Variants in STOX1 observed in about 807,000 individuals in gnomAD.
The protein encoded by STOX1 is storkhead box 1.
STOX1 carries 57 observed loss-of-function variants against 74.8 expected under a neutral mutation model. The observed-to-expected ratio is 0.76, with a 90% CI of 0.62 to 0.95. The LOEUF (loss-of-function observed/expected upper bound fraction) is 0.95, where lower values mean the gene tolerates loss of function less well. Among genes scored for constraint, STOX1 ranks in the 40% least tolerant of loss-of-function variants. STOX1 has a pLI of 0.00. For synonymous variants in STOX1, 375 were observed against 401.3 expected (o/e 0.93, Z 0.78); for missense variants, 1,010 against 1,117.0 (o/e 0.90, Z 1.37).
At chr10:68,892,209 T>C (rs1328363714) in intron 3 of STOX1, among the ~76,000 whole-genome samples, 1 of 152,150 alleles carries the variant, frequency 6.6e-6, no homozygotes, top group Admixed American at 6.5e-5. Context: ...AAAAATATAA[T>C]AATTTGCTTT....
chr10:68,836,250 C>T (rs1589214949), intron 1 of STOX1, among the ~76,000 whole-genome samples: 1 of 152,338 alleles, frequency 6.6e-6, no homozygotes, highest in East Asian at 1.9e-4. Context: ...GCTCCATTGT[C>T]TACATGGGTA....
At chr10:68,864,175 C>T (rs960740584) in intron 1 of STOX1, among the ~76,000 whole-genome samples, 22 of 152,130 alleles carry the variant, frequency 1.4e-4, no homozygotes, top group Admixed American at 9.2e-4. Flanking sequence ...CCGCCCGCCT[C>T]GGCCTCCCAA....
intron 2 of STOX1, among the ~76,000 whole-genome samples, chr10:68,882,602 G>A (rs1382146490): frequency 9.9e-5 from 15 of 151,532 alleles, no homozygotes; most frequent in African/African-American, 2.9e-4. Flanking sequence ...GGGTTCAAGC[G>A]ATTCTTCTGC....
intron 1 of STOX1, among the ~76,000 whole-genome samples, chr10:68,873,612 G>C (rs565909158): frequency 3.5e-4 from 45 of 126,858 alleles, no homozygotes; most frequent in Non-Finnish European, 6.5e-4. Context: ...CAGATAGCTA[G>C]CTAGTCCTTT....
intron 1 of STOX1, among the ~76,000 whole-genome samples, chr10:68,856,524 A>G (rs201187465): frequency 2.6e-5 from 4 of 152,024 alleles, no homozygotes; most frequent in East Asian, 3.9e-4. Flanking sequence ...CACAACTATC[A>G]ACATTCAAAT....
In STOX1 at chr10:68,885,540, C is replaced by G. The variant is rs41278530; in HGVS notation, c.1744C>G (p.Leu582Val). 4.3e-6 allele frequency: 7 copies of G among 1,614,062 alleles called. No individual in the cohort carries two copies. Among genetic ancestry groups the G allele is most frequent in the Non-Finnish European group, 5.9e-6 (7 of 1,180,038 alleles). The change falls in exon 3 of 4, where the codon CTC becomes GTC. Residue 582 changes from leucine to valine, a missense_variant. Leu to Val is a conservative substitution (Grantham distance 32, BLOSUM62 1). Coordinates refer to ENST00000298596, the MANE Select transcript of STOX1 (RefSeq NM_152709.5). ...CATCAATGATGACTTCAGAGGTCAC[C>G]TCTTCAGTCACCCTCAACAGAGCAT... is the stretch of plus-strand genomic sequence containing the variant. ...KPINDDFRGH[L>V]FSHPQQSMLQ...
intron 2 of STOX1, 23 bp from the exon 3 acceptor site, chr10:68,884,237 T>C (rs1840879556): frequency 6.2e-7 from 1 of 1,611,150 alleles, no homozygotes; most frequent in South Asian, 1.1e-5. Flanking sequence ...AAAATCTATC[T>C]GTAAAATGCT....
At chr10:68,877,057 C>T (rs1280883621) in intron 1 of STOX1, among the ~76,000 whole-genome samples, 2 of 152,130 alleles carry the variant, frequency 1.3e-5, no homozygotes, top group African/African-American at 2.4e-5. Context: ...ATTTGTGCAC[C>T]TGAAGGATGT....
At chr10:68,845,271 A>ATT (rs999265975) in intron 1 of STOX1, among the ~76,000 whole-genome samples, 4,948 of 121,874 alleles carry the variant, frequency 0.041, 321 homozygotes, top group African/African-American at 0.12. Flanking sequence ...CAGCTGGCTA[A>ATT]TTTTTTTTTT....
intron 1 of STOX1, among the ~76,000 whole-genome samples, chr10:68,865,609 A>T (rs1382615017): frequency 1.3e-5 from 2 of 152,218 alleles, no homozygotes; most frequent in Non-Finnish European, 2.9e-5. Context: ...AGATCCTGCC[A>T]CTGCACTCCA....
intron 1 of STOX1, among the ~76,000 whole-genome samples, chr10:68,847,610 A>G (rs113177286): frequency 0.02 from 3,029 of 151,672 alleles, 114 homozygotes; most frequent in African/African-American, 0.069. Context: ...GGATTTCACT[A>G]TGTTGGCTGG....
intron 3 of STOX1, among the ~76,000 whole-genome samples, chr10:68,891,228 A>G (rs1358162408): frequency 6.6e-6 from 1 of 152,222 alleles, no homozygotes; most frequent in Non-Finnish European, 1.5e-5. Context: ...TAACATTTGA[A>G]CATCAACTGT....
intron 1 of STOX1, among the ~76,000 whole-genome samples, chr10:68,864,567 CA>C (rs1840355392): frequency 6.6e-6 from 1 of 152,192 alleles, no homozygotes; most frequent in Non-Finnish European, 1.5e-5. Flanking sequence ...CATTTCCTAT[CA>C]TAGTAGCGAT....
chr10:68,828,856 C>G, intron 1 of STOX1: 1 of 466,436 alleles, frequency 2.1e-6, no homozygotes, highest in Non-Finnish European at 2.8e-6. Context: ...CAGGATTCCA[C>G]CTTCCCAGTC....
rs1175510821 is a variant in STOX1 at position 68,884,900 on chromosome 10, T to A, written c.1104T>A (p.Ile368=). The A allele has an allele frequency of 1.2e-6, 2 of 1,614,040 alleles. No homozygotes were observed. Among genetic ancestry groups the A allele is most frequent in the African/African-American group, 2.7e-5 (2 of 75,008 alleles). ...EHEIIKRINP[I]LTVDNLIKHT... ...AGATAATCAAACGAATTAACCCCAT[T>A]TTGACTGTTGACAATTTAATCAAAC... Residue 368 remains isoleucine, a synonymous_variant, in exon 3 of 4, where the codon ATT becomes ATA. Coordinates refer to ENST00000298596, the MANE Select transcript of STOX1 (RefSeq NM_152709.5).
intron 1 of STOX1, among the ~76,000 whole-genome samples, chr10:68,865,888 C>T (rs1285253653): frequency 6.6e-6 from 1 of 152,266 alleles, no homozygotes; most frequent in East Asian, 1.9e-4. Flanking sequence ...TCAGCAGCCA[C>T]TGTTCTATCC....
intron 3 of STOX1, among the ~76,000 whole-genome samples, chr10:68,889,979 A>G: frequency 7.1e-6 from 1 of 140,852 alleles, no homozygotes. Context: ...AACAGAGATG[A>G]GGTTTCACCA....
chr10:68,881,066 A>G (rs982210630), intron 1 of STOX1, among the ~76,000 whole-genome samples: 11 of 152,106 alleles, frequency 7.2e-5, no homozygotes, highest in African/African-American at 2.7e-4. Flanking sequence ...CTCCTATTAA[A>G]TAATTTATTC....
At chr10:68,887,265 G>C (rs1227017513) in intron 3 of STOX1, among the ~76,000 whole-genome samples, 1 of 152,174 alleles carries the variant, frequency 6.6e-6, no homozygotes, top group Non-Finnish European at 1.5e-5. Context: ...GGTTGAGAAA[G>C]GGATGTGGCT....
Sources: gnomAD v4.1 joint callset for allele counts (sites outside exome capture counted in the v4.1 genomes callset) on GRCh38, gnomAD v4.1.1 for gene constraint, MANE v1.5 for transcripts, NCBI Gene and HGNC (gene_info 2026-07-23, HGNC 2026-07-21) for gene names.